The following SYN3 variants were observed in gnomAD, a reference collection of about 807,000 sequenced individuals.
The protein encoded by SYN3 is synapsin III.
A neutral mutation model predicts 65.8 loss-of-function variants in SYN3; 35 were observed. That is an observed-to-expected ratio of 0.53 (90% CI 0.41 to 0.70). SYN3 has a LOEUF of 0.70. Among genes scored for constraint, SYN3 ranks in the 30% least tolerant of loss-of-function variants. The pLI is 0.00. For synonymous variants in SYN3, 270 were observed against 292.9 expected, an observed-to-expected ratio of 0.92 and a Z score of 0.80; for missense variants, 680 against 749.0, an observed-to-expected ratio of 0.91 and a Z score of 1.08.
At chr22:32,849,966 C>T (rs1009745578) in intron 6 of SYN3, among the ~76,000 whole-genome samples, 3 of 151,926 alleles carry the variant, frequency 2.0e-5, no homozygotes, top group Admixed American at 6.6e-5. Context: ...AGGTTTCATG[C>T]AGCCACTGAG....
intron 3 of SYN3, among the ~76,000 whole-genome samples, chr22:32,954,804 A>T (rs930482679): frequency 6.7e-6 from 1 of 149,922 alleles, no homozygotes; most frequent in African/African-American, 2.4e-5. Context: ...ATATTGAAGG[A>T]GCTGAAGCGG....
At chr22:32,977,244 A>G (rs1299894206) in intron 3 of SYN3, among the ~76,000 whole-genome samples, 1 of 152,166 alleles carries the variant, frequency 6.6e-6, no homozygotes, top group Non-Finnish European at 1.5e-5. Context: ...CGGGCCCCAG[A>G]GCCCCTGGGT....
At chr22:32,785,993 CAAA>C (rs1471016090) in intron 6 of SYN3, among the ~76,000 whole-genome samples, 1 of 109,740 alleles carries the variant, frequency 9.1e-6, no homozygotes, top group African/African-American at 3.6e-5. Flanking sequence ...CAAACCACTT[CAAA>C]GAAGAAGAAG....
At chr22:32,922,926 C>T (rs1438103832) in intron 4 of SYN3, among the ~76,000 whole-genome samples, 1 of 152,142 alleles carries the variant, frequency 6.6e-6, no homozygotes. Flanking sequence ...TCTCTGCCAT[C>T]CATCCTGGTC....
intron 6 of SYN3, among the ~76,000 whole-genome samples, chr22:32,821,004 T>C (rs1324026219): frequency 2.0e-5 from 3 of 152,124 alleles, no homozygotes; most frequent in Non-Finnish European, 4.4e-5. Context: ...CCCAGGTGGC[T>C]TCATGCTCTT....
intron 6 of SYN3, among the ~76,000 whole-genome samples, chr22:32,790,349 G>A (rs2046294558): frequency 6.6e-6 from 1 of 151,870 alleles, no homozygotes; most frequent in African/African-American, 2.4e-5. Flanking sequence ...GGAGTGAGGA[G>A]TTTCAAGTGT....
At chr22:32,814,362 A>AAAGGAAGAAAGG (rs2047033458) in intron 6 of SYN3, among the ~76,000 whole-genome samples, 3 of 88,964 alleles carry the variant, frequency 3.4e-5, no homozygotes, top group Admixed American at 1.1e-4. Flanking sequence ...AGAAAGAAAG[A>AAAGGAAGAAAGG]AAGAAAGAAA....
intron 9 of SYN3, among the ~76,000 whole-genome samples, chr22:32,537,557 G>T (rs2058186142): frequency 6.6e-6 from 1 of 152,144 alleles, no homozygotes; most frequent in Non-Finnish European, 1.5e-5. Context: ...ATGATTCATG[G>T]GACGTCAACC....
At chr22:32,570,560 C>A (rs3788460) in intron 7 of SYN3, among the ~76,000 whole-genome samples, 10 of 128,586 alleles carry the variant, frequency 7.8e-5, no homozygotes, top group African/African-American at 2.7e-4. Context: ...GTAGTAGGGT[C>A]GGGGGAGGAG....
chr22:32,562,054 T>C (rs1344382055), intron 7 of SYN3, among the ~76,000 whole-genome samples: 1 of 152,170 alleles, frequency 6.6e-6, no homozygotes, highest in African/African-American at 2.4e-5. Flanking sequence ...ATGAGGTGGG[T>C]TGAATTCTTC....
intron 3 of SYN3, among the ~76,000 whole-genome samples, chr22:32,951,591 T>C (rs17779789): frequency 0.19 from 29,011 of 152,180 alleles, 3,389 homozygotes; most frequent in Non-Finnish European, 0.26. Context: ...AATGAACCAA[T>C]GCCCATTTTG....
In SYN3 at chr22:32,509,606, T is replaced by C. The variant is rs2057669127; in HGVS notation, c.*4086A>G. Among the ~76,000 whole-genome samples, 1 of 152,034 alleles carries C rather than the reference T, an allele frequency of 6.6e-6. No individual in the cohort carries two copies. Among genetic ancestry groups the C allele is most frequent in the African/African-American group, 2.4e-5 (1 of 41,376 alleles). On this transcript the variant is annotated 3_prime_UTR_variant, in exon 14 of 14. Transcript: ENST00000358763. ...TATTTTGAGACAGAGTCTCACTCTGTTGCCCAGGCTGGAGTGCAGTGGTGC... is the reference window on the plus strand; with the variant it reads ...TATTTTGAGACAGAGTCTCACTCTGCTGCCCAGGCTGGAGTGCAGTGGTGC...
intron 7 of SYN3, among the ~76,000 whole-genome samples, chr22:32,556,800 CCTGG>C (rs1338311764): frequency 0.038 from 455 of 11,922 alleles, 104 homozygotes; most frequent in African/African-American, 0.099. Flanking sequence ...CTATAGGTTT[CCTGG>C]TTTTTTTTTT....
chr22:33,002,580 G>A (rs757891986), intron 2 of SYN3, among the ~76,000 whole-genome samples: 1 of 152,114 alleles, frequency 6.6e-6, no homozygotes, highest in Admixed American at 6.5e-5. Flanking sequence ...GGAGGTGGAG[G>A]TTGCAGTAAG....
At chr22:32,730,983 C>T (rs1032921200) in intron 6 of SYN3, among the ~76,000 whole-genome samples, 1 of 152,128 alleles carries the variant, frequency 6.6e-6, no homozygotes, top group Non-Finnish European at 1.5e-5. Flanking sequence ...CTGGACAAGG[C>T]ATGTCACCAG....
intron 6 of SYN3, among the ~76,000 whole-genome samples, chr22:32,658,675 A>G (rs1245571358): frequency 6.6e-6 from 1 of 152,144 alleles, no homozygotes. Context: ...CGTGGTGACA[A>G]TGGGATTTAG....
chr22:32,560,133 T>A (rs773151527), intron 7 of SYN3, among the ~76,000 whole-genome samples: 2 of 152,232 alleles, frequency 1.3e-5, no homozygotes, highest in Non-Finnish European at 2.9e-5. Context: ...GGAGAAGGAA[T>A]GCAAGACCCC....
intron 6 of SYN3, among the ~76,000 whole-genome samples, chr22:32,809,801 G>T (rs2046864468): frequency 6.6e-6 from 1 of 152,180 alleles, no homozygotes; most frequent in South Asian, 2.1e-4. Flanking sequence ...ATTTGGGTTG[G>T]CTTACTGATA....
At chr22:32,585,424 T>C (rs534857002) in intron 7 of SYN3, among the ~76,000 whole-genome samples, 1 of 152,338 alleles carries the variant, frequency 6.6e-6, no homozygotes, top group Admixed American at 6.5e-5. Flanking sequence ...GACTTTCTAA[T>C]GCACTTTTAT....
Sources: allele counts gnomAD v4.1 joint callset (sites outside exome capture counted in the v4.1 genomes callset), GRCh38; gene constraint gnomAD v4.1.1; transcripts MANE v1.5; gene names NCBI Gene and HGNC (gene_info 2026-07-23, HGNC 2026-07-21).